WDR26: variants seen among roughly 807,000 people sequenced by gnomAD.
WDR26 encodes the protein WD repeat domain 26.
WDR26 carries 5 observed loss-of-function variants against 84.1 expected under a neutral mutation model. The ratio of observed to expected loss-of-function variants is 0.06; its 90% CI spans 0.03 to 0.13. The LOEUF is 0.13. WDR26 is among the 10% of genes least tolerant of loss of function. The pLI is 1.00. For synonymous variants in WDR26, 415 were observed against 389.6 expected (o/e 1.07, Z -0.77); for missense variants, 642 against 974.9 (o/e 0.66, Z 4.55).
intron 13 of WDR26, 31 bp from the exon 14 acceptor site, chr1:224,389,891 G>A: frequency 2.2e-6 from 3 of 1,366,164 alleles, no homozygotes; most frequent in Non-Finnish European, 3.0e-6. Context: ...ATGTATGGGG[G>A]GCGGGCGGGG....
rs376226014 is a variant in WDR26, at chr1:224,393,899, G to A, written c.2189C>T (p.Ala730Val). 3.8e-5 allele frequency: 60 copies of A among 1,593,760 alleles called. No homozygotes were observed. Among genetic ancestry groups the A allele is most frequent in the Non-Finnish European group, 4.8e-5 (56 of 1,164,174 alleles). Reference sequence around the variant, plus strand: ...AACAGTGCCATCATCTGAGGCGCTGGCCATCATGGATGGAATCTGTGGGTT... The same window carrying A: ...AACAGTGCCATCATCTGAGGCGCTGACCATCATGGATGGAATCTGTGGGTT... Residue 730 changes from alanine (A) to valine (V), a missense_variant, in exon 13 of 14, where the codon GCC (alanine) becomes GTC (valine). Transcript: ENST00000414423.
At chr1:224,415,453 C>CTTTTTTTTTTTTTTTTTTTTT (rs149995544) in intron 6 of WDR26, among the ~76,000 whole-genome samples, 2 of 82,350 alleles carry the variant, frequency 2.4e-5, no homozygotes, top group African/African-American at 9.7e-5. Flanking sequence ...GTATTTCTTT[C>CTTTTTTTTTTTTTTTTTTTTT]TTTTTTTTTT....
At chr1:224,397,968 C>T (rs1214790764) in intron 12 of WDR26, 129 bp downstream of exon 12, 14 of 1,094,114 alleles carry the variant, frequency 1.3e-5, no homozygotes, top group African/African-American at 1.1e-4. Flanking sequence ...AGAAATTAAC[C>T]GTGTATTGGA....
At chr1:224,400,844 C>A in intron 9 of WDR26, 106 bp downstream of exon 9, 1 of 1,458,924 alleles carries the variant, frequency 6.9e-7, no homozygotes, top group East Asian at 2.5e-5. Flanking sequence ...CCATGCCTGG[C>A]CCACAGAGTA....
chr1:224,406,787 C>T (rs1673578536), intron 7 of WDR26, among the ~76,000 whole-genome samples: 1 of 151,334 alleles, frequency 6.6e-6, no homozygotes, highest in South Asian at 2.1e-4. Context: ...CCCAGATCAA[C>T]ACAAAGATTT....
At chr1:224,397,993 TTAAC>T in intron 12 of WDR26, 100 bp downstream of exon 12, 7 of 1,410,722 alleles carry the variant, frequency 5.0e-6, no homozygotes, top group Non-Finnish European at 6.7e-6. Flanking sequence ...TGAAAGAATT[TTAAC>T]TTACTACCCT....
At chr1:224,397,996 ACTTACTAC>A in intron 12 of WDR26, 93 bp downstream of exon 12, 1 of 1,423,714 alleles carries the variant, frequency 7.0e-7, no homozygotes, top group Non-Finnish European at 9.5e-7. Context: ...AAGAATTTTA[ACTTACTAC>A]CCTGAATTTT....
chr1:224,413,217 C>CAAA, intron 6 of WDR26: 2 of 806,902 alleles, frequency 2.5e-6, no homozygotes, highest in African/African-American at 1.9e-5. Flanking sequence ...ACCCCCCCCC[C>CAAA]CAAAAAAAAC....
intron 11 of WDR26, 23 bp from the exon 12 acceptor site, chr1:224,398,249 A>G: frequency 6.2e-7 from 1 of 1,601,622 alleles, no homozygotes; most frequent in Non-Finnish European, 8.5e-7. Context: ...GAGAATACAG[A>G]TATTTAATCT....
chr1:224,423,858 A>T (rs1674135059), intron 4 of WDR26, among the ~76,000 whole-genome samples: 3 of 152,246 alleles, frequency 2.0e-5, no homozygotes, highest in East Asian at 3.8e-4. Context: ...GGCATGGTAT[A>T]GAATGAGATT....
rs143730059 is a variant in WDR26 at position 224,414,969 on chromosome 1, T to C, written c.1319+3291A>G. Among the ~76,000 whole-genome samples the C allele has an allele frequency of 4.2e-3, 639 of 152,368 alleles. 3 individuals are homozygous for C. Among genetic ancestry groups the C allele is most frequent in the Non-Finnish European group, 7.2e-3 (488 of 68,034 alleles). Reference sequence around the variant, plus strand: ...CTGCTGTGAACTATAATTGCACCACTGCACTCCAACTTGGGCTACAGGGCA... The same window carrying C: ...CTGCTGTGAACTATAATTGCACCACCGCACTCCAACTTGGGCTACAGGGCA... On this transcript the variant is annotated intron_variant, in intron 6 of 13. Transcript: ENST00000414423.
rs142456442 is a variant in WDR26 at position 224,425,789 on chromosome 1, T to C, written c.928-1135A>G. On this transcript the variant is annotated intron_variant, in intron 3 of 13. Transcript: ENST00000414423. ...AGTCATATTTAGAGACTCCAAGGAA[T>C]ACAGCGGTAAAGATCTCAAGTCCAC... is the stretch of plus-strand genomic sequence containing the variant. Among the ~76,000 whole-genome samples, 11 of 152,260 alleles carry C rather than the reference T, an allele frequency of 7.2e-5. No individual in the cohort carries two copies. The East Asian group carries it at 1.9e-3, about 27-fold the overall frequency.
Position 224,387,719 on chromosome 1 carries a change from C to G in WDR26, c.*2116G>C, listed in dbSNP as rs1427251291. On this transcript the variant is annotated 3_prime_UTR_variant, in exon 14 of 14. Coordinates refer to ENST00000414423, the MANE Select transcript of WDR26 (RefSeq NM_001379403.1). ...TAAACAGCTGTGGAGTTTCTATGCC[C>G]ACATTTAGTGATGTTACCATAGAGA... The G allele has an allele frequency of 6.6e-6, 1 of 152,422 alleles. No homozygotes were observed. Among genetic ancestry groups the G allele is most frequent in the African/African-American group, 2.4e-5 (1 of 41,370 alleles). 9.4% of individuals were successfully genotyped at this position (152,422 alleles called of 1,614,324 possible).
At chr1:224,414,550 A>G (rs889364388) in intron 6 of WDR26, among the ~76,000 whole-genome samples, 1 of 152,212 alleles carries the variant, frequency 6.6e-6, no homozygotes, top group Non-Finnish European at 1.5e-5. Flanking sequence ...CGGGTATTTA[A>G]TTTCAAAGCT....
chr1:224,434,123 G>C lies in WDR26; in HGVS notation c.283C>G (p.Leu95Val). The change falls in exon 1 of 14, where the codon CTG becomes GTG. Residue 95 changes from leucine (L) to valine (V), a missense_variant. By Grantham distance (32) the Leu-to-Val change is conservative. Transcript: ENST00000414423. The stretch of plus-strand genomic sequence containing the variant: ...GCCTGCATGATGCTGCCGCTGACCA[G>C]GCTGTGGCCGCTACTTCGGTGGGGG... 1 of 1,426,098 alleles carries C rather than the reference G, an allele frequency of 7.0e-7. No homozygotes were observed. The highest frequency in any genetic ancestry group is 9.1e-7 in the Non-Finnish European group (1 of 1,093,908). 88.3% of individuals were successfully genotyped at this position (1,426,098 alleles called of 1,614,324 possible).
chr1:224,433,619 C>T (rs1558450039), intron 1 of WDR26, 65 bp downstream of exon 1: 2 of 1,170,082 alleles, frequency 1.7e-6, no homozygotes, highest in South Asian at 2.1e-5. Flanking sequence ...CGCCCCTTCC[C>T]CTACCCCCCT....
At chr1:224,392,855 T>TCC (rs984657692) in intron 13 of WDR26, among the ~76,000 whole-genome samples, 14 of 149,730 alleles carry the variant, frequency 9.4e-5, no homozygotes, top group African/African-American at 3.5e-4. Flanking sequence ...ATAACCCTCC[T>TCC]CCACAGAGAA....
chr1:224,399,393 T>C (rs1426151773), intron 9 of WDR26, among the ~76,000 whole-genome samples: 1 of 152,206 alleles, frequency 6.6e-6, no homozygotes, highest in Non-Finnish European at 1.5e-5. Context: ...TATACTGGAA[T>C]TTGTCCTAAT....
chr1:224,420,837 A>G (rs1440433798), intron 4 of WDR26, among the ~76,000 whole-genome samples: 1 of 152,110 alleles, frequency 6.6e-6, no homozygotes, highest in East Asian at 1.9e-4. Flanking sequence ...TGACCTCGTG[A>G]TCCGCCCGCC....
Sources: gnomAD v4.1 joint callset for allele counts (sites outside exome capture counted in the v4.1 genomes callset) on GRCh38, gnomAD v4.1.1 for gene constraint, MANE v1.5 for transcripts, NCBI Gene and HGNC (gene_info 2026-07-23, HGNC 2026-07-21) for gene names.